MKS1: variants seen among roughly 807,000 people sequenced by gnomAD.
MKS1 encodes the protein tectonic-like complex member MKS1.
Under a neutral mutation model 83.7 loss-of-function variants are expected in MKS1, and 70 were observed. That is an observed-to-expected ratio of 0.84 (90% CI 0.69 to 1.02). The LOEUF is 1.02. Ranked by LOEUF, MKS1 falls within the 50% of genes least tolerant of loss-of-function variation. The pLI, the probability that MKS1 is intolerant of heterozygous loss-of-function variation, is 0.00. For missense variants in MKS1, 681 were observed against 726.9 expected (o/e 0.94, Z 0.73); for synonymous variants, 251 against 273.4 (o/e 0.92, Z 0.81).
rs1378969681 is a variant in MKS1 at position 58,213,797 on chromosome 17, C to A, written c.717G>T (p.Lys239Asn). ...KVDSNGVITV[K>N]PDFTGLKGPY... ...GTCCTTTGAGGCCCGTGAAGTCAGGCTTTACTGTGATCACACCATTGCTAT... is the reference window on the plus strand; with the variant it reads ...GTCCTTTGAGGCCCGTGAAGTCAGGATTTACTGTGATCACACCATTGCTAT... The change falls in exon 7 of 18, where the codon AAG becomes AAT. Residue 239 changes from lysine (K) to asparagine (N), a missense_variant. Around this residue, in one of 3 missense-constraint regions of MKS1, gnomAD observed 365 missense variants for 383.8 expected, o/e 0.95. Coordinates refer to ENST00000393119, the MANE Select transcript of MKS1 (RefSeq NM_017777.4). The A allele has an allele frequency of 6.2e-7, 1 of 1,613,996 alleles. No individual in the cohort carries two copies. The highest frequency in any genetic ancestry group is 1.3e-5 in the African/African-American group (1 of 74,914).
intron 8 of MKS1, among the ~76,000 whole-genome samples, 154 bp from the exon 9 acceptor site, chr17:58,212,588 G>T (rs1270510625): frequency 2.6e-5 from 4 of 152,206 alleles, no homozygotes; most frequent in Non-Finnish European, 5.9e-5. Context: ...TGAAGCAGAG[G>T]CCCTGGAGTC....
rs751103496 is a variant in MKS1, at chr17:58,205,866, G to C, written c.*213C>G. 35 of 1,436,796 alleles carry C rather than the reference G, an allele frequency of 2.4e-5. No individual in the cohort carries two copies. The highest frequency in any genetic ancestry group is 1.5e-4 in the South Asian group (10 of 68,900). 89.0% of individuals were successfully genotyped at this position (1,436,796 alleles called of 1,614,324 possible). On this transcript the variant is annotated 3_prime_UTR_variant, in exon 18 of 18. Transcript: ENST00000393119. ...ATTGACAGTGGCTGCAAATATAAAG[G>C]GGGGGCCACAGGGTCTCTGGCTTTA...
rs778890248 is a variant in MKS1, at chr17:58,206,346, T to C, written c.1525A>G (p.Met509Val). ...FMESSSLQKR[M>V]RSVLDRLEGF... ...TCCAGACGGTCCAACACACTCCGCATCCTTTTCTGAAGGGAGCTCGATTCC... is the reference window on the plus strand; with the variant it reads ...TCCAGACGGTCCAACACACTCCGCACCCTTTTCTGAAGGGAGCTCGATTCC... The change falls in exon 17 of 18, where the codon ATG becomes GTG. Residue 509 changes from methionine (M) to valine (V), a missense_variant. Coordinates refer to ENST00000393119, the MANE Select transcript of MKS1 (RefSeq NM_017777.4). 7.4e-6 allele frequency: 12 copies of C among 1,613,968 alleles called. No individual in the cohort carries two copies. In the African/African-American group the frequency reaches 1.1e-4, roughly 14 times the overall value.
chr17:58,213,861 T>C lies in MKS1; in HGVS notation c.653A>G (p.Tyr218Cys), dbSNP rs201758855. 4.3e-6 allele frequency: 7 copies of C among 1,613,340 alleles called. No homozygotes were observed. In the Admixed American group the frequency reaches 6.7e-5, roughly 15 times the overall value. Residue 218 changes from tyrosine (Y) to cysteine (C), a missense_variant, in exon 7 of 18, where the codon TAT (tyrosine) becomes TGT (cysteine). Physicochemically the swap from Tyr to Cys is radical, Grantham distance 194. Coordinates refer to ENST00000393119, the MANE Select transcript of MKS1 (RefSeq NM_017777.4). ...ADLGPYKKLG[Y>C]KKYEHVLCTL... ...ACACAGGACATGTTCATACTTCTTA[T>C]AGCCAAGCCTAGAAATCAGGAAAAC...
intron 8 of MKS1, 110 bp from the exon 9 acceptor site, chr17:58,212,544 A>G: frequency 8.3e-7 from 1 of 1,200,174 alleles, no homozygotes; most frequent in Non-Finnish European, 1.2e-6. Flanking sequence ...CAAGAGCTGG[A>G]GGCGTAAGCA....
intron 1 of MKS1, 23 bp downstream of exon 1, chr17:58,219,128 C>T (rs1696222344): frequency 1.9e-6 from 3 of 1,550,344 alleles, no homozygotes; most frequent in South Asian, 2.4e-5. Context: ...CATGGGGCCT[C>T]GGGGCTGGGG....
rs117007334 is a variant in MKS1, at chr17:58,207,855, G to A, written c.1273+39C>T. On this transcript the variant is annotated intron_variant, in intron 14 of 17. Coordinates refer to ENST00000393119, the MANE Select transcript of MKS1 (RefSeq NM_017777.4). The stretch of plus-strand genomic sequence containing the variant: ...GTGTTAGTCTTGTTCTTAGGGCCTA[G>A]GGCATGTGGGCCACAGAAGGGCAGA... The A allele has an allele frequency of 1.2e-3, 1,796 of 1,540,370 alleles. 10 individuals carry two copies. The highest frequency in any genetic ancestry group is 6.6e-3 in the Middle Eastern group (37 of 5,622).
rs748412372 is a variant in MKS1, at chr17:58,216,742, A to C, written c.191-6T>G. 1.4e-5 allele frequency: 23 copies of C among 1,613,980 alleles called. No individual in the cohort carries two copies. The highest frequency in any genetic ancestry group is 1.5e-5 in the Non-Finnish European group (18 of 1,179,966). ...TTCCTCTGGGCGGTGTCCACCTCCAAAGACAACAGAGTGAATCAAATGCTT... is the reference window on the plus strand; with the variant it reads ...TTCCTCTGGGCGGTGTCCACCTCCACAGACAACAGAGTGAATCAAATGCTT... On this transcript the variant is annotated splice_polypyrimidine_tract_variant and splice_region_variant and intron_variant, in intron 2 of 17. Coordinates refer to ENST00000393119, the MANE Select transcript of MKS1 (RefSeq NM_017777.4).
chr17:58,212,476 G>A, intron 8 of MKS1, 42 bp from the exon 9 acceptor site: 3 of 1,603,148 alleles, frequency 1.9e-6, no homozygotes, highest in Non-Finnish European at 2.6e-6. Flanking sequence ...TGCAACCCAA[G>A]CTAGACCAAA....
chr17:58,211,729 A>ATTTTT (rs35375018), intron 9 of MKS1, among the ~76,000 whole-genome samples: 1 of 137,246 alleles, frequency 7.3e-6, no homozygotes, highest in Non-Finnish European at 1.5e-5. Flanking sequence ...TGCCTTGCTA[A>ATTTTT]TTTTTTTTTT....
intron 3 of MKS1, among the ~76,000 whole-genome samples, 166 bp downstream of exon 3, chr17:58,216,500 A>G (rs1969227261): frequency 6.6e-6 from 1 of 152,248 alleles, no homozygotes; most frequent in South Asian, 2.1e-4. Flanking sequence ...CCAGAATCAC[A>G]AAACTGAGTA....
At position 58,206,021 on chromosome 17, in the gene MKS1, C is replaced by A. The variant is rs35384582; in HGVS notation, c.*58G>T. 6.4e-7 allele frequency: 1 copy of A among 1,561,946 alleles called. No individual in the cohort carries two copies. Among genetic ancestry groups the A allele is most frequent in the Non-Finnish European group, 8.7e-7 (1 of 1,155,152 alleles). Reference sequence around the variant, plus strand: ...AGAAAGACGAAGAGGCAGGAGAGCACTGGCCTCAGATATCCCCCATCTTGT... The same window carrying A: ...AGAAAGACGAAGAGGCAGGAGAGCAATGGCCTCAGATATCCCCCATCTTGT... On this transcript the variant is annotated 3_prime_UTR_variant, in exon 18 of 18. Transcript: ENST00000393119.
chr17:58,212,348 C>G, intron 9 of MKS1, 30 bp downstream of exon 9: 2 of 1,612,252 alleles, frequency 1.2e-6, no homozygotes, highest in Non-Finnish European at 1.7e-6. Context: ...AAACACAGCT[C>G]ACAGTGCTGC....
intron 11 of MKS1, among the ~76,000 whole-genome samples, chr17:58,210,279 C>G (rs577695672): frequency 1.3e-5 from 2 of 152,202 alleles, no homozygotes; most frequent in East Asian, 3.9e-4. Flanking sequence ...GGATGGATGA[C>G]GTTGCCCAGG....
Position 58,209,693 on chromosome 17 carries a change from G to A in MKS1, c.1024+966C>T, listed in dbSNP as rs1029541241. 6.6e-6 allele frequency among the ~76,000 whole-genome samples: 1 copy of A among 152,204 alleles called. No homozygotes were observed. The highest frequency in any genetic ancestry group is 2.4e-5 in the African/African-American group (1 of 41,444). On this transcript the variant is annotated intron_variant, in intron 11 of 17. Transcript: ENST00000393119. This position sits in a 1 kb window ranked among gnomAD's most constrained non-coding sequence, Gnocchi z 4.1. ...AAGGTTGTATGGAAGAGATAGGCAG[G>A]GGCCAGCTCATTCAGGGTATCAAGT...
chr17:58,213,656 A>C (rs1969014470), intron 7 of MKS1, 109 bp downstream of exon 7: 1 of 854,454 alleles, frequency 1.2e-6, no homozygotes, highest in Non-Finnish European at 2.0e-6. Flanking sequence ...TGGGAATGTA[A>C]AAGTTAGAAC....
chr17:58,206,826 G>A, intron 15 of MKS1: 1 of 629,278 alleles, frequency 1.6e-6, no homozygotes, highest in Non-Finnish European at 2.8e-6. Context: ...CTTCAGTGAT[G>A]GGGGAAAGAG....
intron 7 of MKS1, among the ~76,000 whole-genome samples, 165 bp from the exon 8 acceptor site, chr17:58,213,255 A>G (rs965853048): frequency 6.6e-6 from 1 of 152,212 alleles, no homozygotes; most frequent in Non-Finnish European, 1.5e-5. Context: ...AAAAGGGTAA[A>G]GCAGAGAGGG....
chr17:58,215,478 A>C (rs1363914164), intron 4 of MKS1: 3 of 163,478 alleles, frequency 1.8e-5, no homozygotes, highest in Non-Finnish European at 4.1e-5. Flanking sequence ...TTTCAAAAAC[A>C]TTTATTGAAT....
Sources: allele counts gnomAD v4.1 joint callset (sites outside exome capture counted in the v4.1 genomes callset), GRCh38; gene constraint gnomAD v4.1.1; regional missense constraint gnomAD v4.1.1; non-coding constraint Gnocchi (gnomAD v3.1); transcripts MANE v1.5; gene names NCBI Gene and HGNC (gene_info 2026-07-23, HGNC 2026-07-21).